The following HADHB variants were observed in gnomAD, a reference collection of about 807,000 sequenced individuals.
The protein encoded by HADHB is hydroxyacyl-CoA dehydrogenase trifunctional multienzyme complex subunit beta, also known as trifunctional enzyme subunit beta, mitochondrial.
A neutral mutation model predicts 61.9 loss-of-function variants in HADHB; 50 were observed. The ratio of observed to expected loss-of-function variants is 0.81; its 90% CI spans 0.64 to 1.02. HADHB has a LOEUF of 1.02. Ranked by LOEUF, HADHB falls within the 50% of genes least tolerant of loss-of-function variation. HADHB has a pLI of 0.00. For synonymous variants in HADHB, 191 were observed against 201.6 expected, an observed-to-expected ratio of 0.95 and a Z score of 0.45; for missense variants, 504 against 586.5, an observed-to-expected ratio of 0.86 and a Z score of 1.45.
At chr2:26,283,612 A>G (rs1013736045) in intron 12 of HADHB, among the ~76,000 whole-genome samples, 3 of 152,270 alleles carry the variant, frequency 2.0e-5, no homozygotes, top group Admixed American at 2.0e-4. Context: ...TTTTTTTCCT[A>G]TAAGTTTTAC....
intron 3 of HADHB, chr2:26,260,595 T>G (rs1454364647): frequency 5.4e-6 from 1 of 185,636 alleles, no homozygotes; most frequent in Non-Finnish European, 1.1e-5. Context: ...CTCTTGATTC[T>G]CCTACTACCT....
At chr2:26,258,850 C>T (rs950740936) in intron 3 of HADHB, among the ~76,000 whole-genome samples, 1 of 151,744 alleles carries the variant, frequency 6.6e-6, no homozygotes, top group Non-Finnish European at 1.5e-5. Context: ...TGCTTTTAAC[C>T]TAATTGATAT....
chr2:26,246,954 G>A (rs915228649), intron 1 of HADHB, among the ~76,000 whole-genome samples: 1 of 151,920 alleles, frequency 6.6e-6, no homozygotes, highest in Non-Finnish European at 1.5e-5. Flanking sequence ...GTGTGCGTGC[G>A]TGTGTGTGTG....
rs753377961 is a variant in HADHB at position 26,290,020 on chromosome 2, A to G, written c.*67A>G. The stretch of plus-strand genomic sequence containing the variant: ...ACACTAGGCAATGCCATTTCAATGC[A>G]TTACTAAATGACATTTGTAGTTCCT... On this transcript the variant is annotated 3_prime_UTR_variant, in exon 16 of 16. Transcript: ENST00000317799. 86 of 1,009,656 alleles carry G rather than the reference A, an allele frequency of 8.5e-5. No individual in the cohort carries two copies. The highest frequency in any genetic ancestry group is 1.3e-4 in the Non-Finnish European group (84 of 629,148). 62.5% of individuals were successfully genotyped at this position (1,009,656 alleles called of 1,614,324 possible). A position where few individuals can be genotyped will look rare whatever the true frequency, so the allele number is the denominator to read the frequency against.
chr2:26,251,752 A>C (rs928699338), intron 1 of HADHB, among the ~76,000 whole-genome samples: 37 of 152,126 alleles, frequency 2.4e-4, no homozygotes, highest in African/African-American at 8.7e-4. Flanking sequence ...CATGTTTGGA[A>C]CATGTTTTGT....
At position 26,267,029 on chromosome 2, in the gene HADHB, C is replaced by T. The variant is rs72850000; in HGVS notation, c.210-2924C>T. On this transcript the variant is annotated intron_variant, in intron 4 of 15. Coordinates refer to ENST00000317799, the MANE Select transcript of HADHB (RefSeq NM_000183.3). ...AATTTGGAAAACTACTCATGGTTCT[C>T]CTGTGATTCTGAGTGAAAATGACAG... Among the ~76,000 whole-genome samples the T allele has an allele frequency of 6.3e-3, 952 of 151,958 alleles. 8 individuals carry two copies. The highest frequency in any genetic ancestry group is 0.021 in the African/African-American group (890 of 41,412).
At chr2:26,249,190 G>C (rs909425179) in intron 1 of HADHB, among the ~76,000 whole-genome samples, 3 of 152,106 alleles carry the variant, frequency 2.0e-5, no homozygotes, top group African/African-American at 7.2e-5. Context: ...TCAGGAAGGA[G>C]TCTTTCAGTT....
chr2:26,285,272 T>C, intron 14 of HADHB, 135 bp from the exon 15 acceptor site: 1 of 737,670 alleles, frequency 1.4e-6, no homozygotes, highest in South Asian at 1.7e-5. Flanking sequence ...TACTTTCTTT[T>C]GCAGTAAAAT....
chr2:26,280,378 G>T (rs1390832574), intron 10 of HADHB, among the ~76,000 whole-genome samples: 1 of 152,034 alleles, frequency 6.6e-6, no homozygotes, highest in Non-Finnish European at 1.5e-5. Context: ...ATTGCTTATG[G>T]TGGGCCCTGG....
intron 15 of HADHB, among the ~76,000 whole-genome samples, chr2:26,286,739 C>G (rs1425987924): frequency 6.6e-6 from 1 of 150,456 alleles, no homozygotes; most frequent in African/African-American, 2.4e-5. Flanking sequence ...CTCCTGACCT[C>G]AGGTGATCCG....
intron 5 of HADHB, among the ~76,000 whole-genome samples, chr2:26,273,074 A>G (rs1376076419): frequency 1.3e-5 from 2 of 151,808 alleles, no homozygotes; most frequent in African/African-American, 2.4e-5. Flanking sequence ...GTGAAAGGGC[A>G]AGATTCTTAT....
chr2:26,255,610 C>T (rs1421155973), intron 3 of HADHB, among the ~76,000 whole-genome samples: 2 of 152,070 alleles, frequency 1.3e-5, no homozygotes, highest in Non-Finnish European at 2.9e-5. Flanking sequence ...TGGCCTTGAA[C>T]TGGTCACTTT....
chr2:26,278,552 A>G, intron 7 of HADHB, 62 bp from the exon 8 acceptor site: 1 of 1,361,664 alleles, frequency 7.3e-7, no homozygotes, highest in Non-Finnish European at 1.1e-6. Context: ...AAGAAGCTTA[A>G]ATTGGAATGG....
chr2:26,262,634 T>C (rs1671910653), intron 3 of HADHB, among the ~76,000 whole-genome samples: 6 of 152,350 alleles, frequency 3.9e-5, no homozygotes. Flanking sequence ...ATGTAGATTT[T>C]TGCAGAATAG....
At chr2:26,265,721 A>G (rs1179332291) in intron 4 of HADHB, among the ~76,000 whole-genome samples, 2 of 152,240 alleles carry the variant, frequency 1.3e-5, no homozygotes, top group African/African-American at 2.4e-5. Flanking sequence ...CCAAATTGGC[A>G]TAGGGTTGTT....
chr2:26,270,512 GGAGAAACC>G (rs1672293455), intron 5 of HADHB, among the ~76,000 whole-genome samples: 1 of 151,842 alleles, frequency 6.6e-6, no homozygotes, highest in Non-Finnish European at 1.5e-5. Context: ...TTCTTAGTTT[GGAGAAACC>G]CTTCAGTTGA....
At chr2:26,253,041 T>C (rs1671464290) in intron 1 of HADHB, among the ~76,000 whole-genome samples, 1 of 152,230 alleles carries the variant, frequency 6.6e-6, no homozygotes, top group African/African-American at 2.4e-5. Context: ...TGAATTCTTC[T>C]TATGAGTGAA....
intron 1 of HADHB, among the ~76,000 whole-genome samples, chr2:26,247,963 A>T (rs905046668): frequency 6.6e-6 from 1 of 152,158 alleles, no homozygotes; most frequent in Non-Finnish European, 1.5e-5. Flanking sequence ...TGCTTATTTT[A>T]AAAAAATTAA....
chr2:26,247,243 A>C (rs549919519), intron 1 of HADHB, among the ~76,000 whole-genome samples: 1 of 152,088 alleles, frequency 6.6e-6, no homozygotes, highest in Non-Finnish European at 1.5e-5. Context: ...ATCCTACCCT[A>C]CCCTACCCTG....
Sources: allele counts gnomAD v4.1 joint callset (sites outside exome capture counted in the v4.1 genomes callset), GRCh38; gene constraint gnomAD v4.1.1; transcripts MANE v1.5; gene names NCBI Gene and HGNC (gene_info 2026-07-23, HGNC 2026-07-21).